Variants in CMTM4 observed in about 807,000 individuals in gnomAD.
CMTM4 encodes the protein CKLF like MARVEL transmembrane domain containing 4.
In CMTM4, 8 loss-of-function variants were observed where a neutral mutation model predicts 19.0. The observed-to-expected ratio is 0.42, with a 90% CI of 0.25 to 0.76. The LOEUF (loss-of-function observed/expected upper bound fraction) is 0.76, where lower values mean the gene tolerates loss of function less well. CMTM4 is among the 30% of genes least tolerant of loss of function. The pLI is 0.27. For synonymous variants in CMTM4, 106 were observed against 121.1 expected (o/e 0.88, Z 0.82); for missense variants, 228 against 290.2 (o/e 0.79, Z 1.56).
At chr16:66,668,281 T>C (rs2016640871) in intron 1 of CMTM4, among the ~76,000 whole-genome samples, 1 of 152,058 alleles carries the variant, frequency 6.6e-6, no homozygotes, top group African/African-American at 2.4e-5. Context: ...AGTGCTGGGA[T>C]TACAGGCATG....
Position 66,617,581 on chromosome 16 carries a change from A to G in CMTM4, c.*4477T>C. ...AGATATTGACGGTATTTTCTCTCAC[A>G]GTTTCTAAATAAAAGAAACATAAAA... On this transcript the variant is annotated 3_prime_UTR_variant, in exon 4 of 4. Coordinates refer to ENST00000394106, the MANE Select transcript of CMTM4 (RefSeq NM_181521.3). 1 of 1,285,910 alleles carries G rather than the reference A, an allele frequency of 7.8e-7. No individual in the cohort carries two copies. The highest frequency in any genetic ancestry group is 9.9e-7 in the Non-Finnish European group (1 of 1,014,420). 79.7% of individuals were successfully genotyped at this position (1,285,910 alleles called of 1,614,324 possible). A position where few individuals can be genotyped will look rare whatever the true frequency, so the allele number is the denominator to read the frequency against.
At chr16:66,688,058 C>A (rs925555174) in intron 1 of CMTM4, among the ~76,000 whole-genome samples, 5 of 152,082 alleles carry the variant, frequency 3.3e-5, no homozygotes, top group African/African-American at 1.2e-4. Flanking sequence ...GATCCAGGTG[C>A]CAGCAGATTC....
intron 1 of CMTM4, among the ~76,000 whole-genome samples, chr16:66,658,051 T>C (rs1006830479): frequency 6.6e-6 from 1 of 152,118 alleles, no homozygotes; most frequent in African/African-American, 2.4e-5. Context: ...TAAGACTCCA[T>C]CTCTACAAAA....
the CMTM4 span, among the ~76,000 whole-genome samples, chr16:66,606,919 C>G: frequency 2.0e-5 from 3 of 152,242 alleles, no homozygotes; most frequent in South Asian, 6.2e-4. Context: ...ACTTGAACCC[C>G]GGAGGTGGAG....
the CMTM4 span, chr16:66,604,663 G>T: frequency 4.6e-4 from 277 of 596,972 alleles, no homozygotes; most frequent in Non-Finnish European, 6.1e-4. Context: ...GGTGGGGGCG[G>T]GGCGGGGCGT....
chr16:66,628,681 T>C (rs1301976147), intron 2 of CMTM4, among the ~76,000 whole-genome samples: 1 of 152,218 alleles, frequency 6.6e-6, no homozygotes, highest in South Asian at 2.1e-4. Flanking sequence ...ATTTCTTATG[T>C]CTTCCCTTTC....
chr16:66,659,130 A>G (rs1328964745), intron 1 of CMTM4, among the ~76,000 whole-genome samples: 1 of 152,170 alleles, frequency 6.6e-6, no homozygotes, highest in Non-Finnish European at 1.5e-5. Flanking sequence ...CTGTAATCCC[A>G]GCACTTTGGG....
intron 1 of CMTM4, among the ~76,000 whole-genome samples, chr16:66,652,924 A>T (rs1596934787): frequency 6.6e-6 from 1 of 152,322 alleles, no homozygotes; most frequent in East Asian, 1.9e-4. Flanking sequence ...CAGACCGTTT[A>T]AATTAGTAAT....
At chr16:66,651,438 G>C (rs572082681) in intron 1 of CMTM4, among the ~76,000 whole-genome samples, 106 of 152,260 alleles carry the variant, frequency 7.0e-4, no homozygotes, top group African/African-American at 2.5e-3. Context: ...CATCAATAAG[G>C]TAAGGAAGCT....
At chr16:66,678,705 T>C (rs951025713) in intron 1 of CMTM4, among the ~76,000 whole-genome samples, 1 of 152,254 alleles carries the variant, frequency 6.6e-6, no homozygotes, top group South Asian at 2.1e-4. Context: ...TGTGTGTGCA[T>C]GTGTCTGCTC....
the CMTM4 span, chr16:66,605,281 C>T: frequency 4.6e-6 from 1 of 216,264 alleles, no homozygotes; most frequent in Non-Finnish European, 9.1e-6. This position sits in a 1 kb window ranked among gnomAD's most constrained non-coding sequence, Gnocchi z 4.6. Context: ...CCCGGGGACT[C>T]GGGCAACTCG....
At chr16:66,605,022 C>T in the CMTM4 span, 17 of 1,319,678 alleles carry the variant, frequency 1.3e-5, no homozygotes, top group Non-Finnish European at 1.7e-5. The surrounding 1 kb of genome is among the most constrained non-coding windows in gnomAD (Gnocchi z 4.6). Context: ...GACGTCGGGG[C>T]GCGGGTGGGG....
chr16:66,659,038 T>C (rs1287693612), intron 1 of CMTM4, among the ~76,000 whole-genome samples: 1 of 152,014 alleles, frequency 6.6e-6, no homozygotes, highest in Non-Finnish European at 1.5e-5. Flanking sequence ...TCAAGCTATA[T>C]AGAGTAACCA....
At chr16:66,683,187 A>G (rs1362708338) in intron 1 of CMTM4, among the ~76,000 whole-genome samples, 3 of 93,034 alleles carry the variant, frequency 3.2e-5, no homozygotes, top group African/African-American at 6.9e-5. Context: ...ATATGTATAT[A>G]TATATACATA....
the CMTM4 span, chr16:66,605,020 G>C: frequency 7.5e-7 from 1 of 1,326,584 alleles, no homozygotes; most frequent in East Asian, 3.2e-5. This position sits in a 1 kb window ranked among gnomAD's most constrained non-coding sequence, Gnocchi z 4.6. Context: ...AGGACGTCGG[G>C]GCGCGGGTGG....
At chr16:66,649,459 C>CTATCCATCTATCTATCTATCT (rs1555500121) in intron 1 of CMTM4, among the ~76,000 whole-genome samples, 2 of 149,386 alleles carry the variant, frequency 1.3e-5, no homozygotes, top group Admixed American at 6.7e-5. Context: ...TCTATCTATC[C>CTATCCATCTATCTATCTATCT]ATCTATCTAT....
chr16:66,610,293 C>T (rs2015328967), downstream of CMTM4, among the ~76,000 whole-genome samples: 1 of 152,152 alleles, frequency 6.6e-6, no homozygotes, highest in African/African-American at 2.4e-5. The surrounding 1 kb of genome is among the most constrained non-coding windows in gnomAD (Gnocchi z 4.6). Context: ...CAGCCAGTCA[C>T]TCTCGGGCAC....
intron 1 of CMTM4, among the ~76,000 whole-genome samples, chr16:66,679,978 A>G (rs1018947959): frequency 1.5e-4 from 23 of 152,164 alleles, no homozygotes; most frequent in Non-Finnish European, 2.5e-4. Flanking sequence ...ATTGACCCCA[A>G]TAGGCTTCTG....
downstream of CMTM4, chr16:66,610,897 C>T (rs2015351728): frequency 5.0e-6 from 2 of 398,494 alleles, no homozygotes; most frequent in Admixed American, 8.8e-5. This position sits in a 1 kb window ranked among gnomAD's most constrained non-coding sequence, Gnocchi z 4.6. Context: ...AACCGTCCTT[C>T]TGCTGAAAAT....
Sources: allele counts gnomAD v4.1 joint callset (sites outside exome capture counted in the v4.1 genomes callset), GRCh38; gene constraint gnomAD v4.1.1; non-coding constraint Gnocchi (gnomAD v3.1); transcripts MANE v1.5; gene names NCBI Gene and HGNC (gene_info 2026-07-23, HGNC 2026-07-21).